Variants in VPS8 observed in about 807,000 individuals in gnomAD.
VPS8 encodes the protein vacuolar protein sorting-associated protein 8 homolog.
A neutral mutation model predicts 216.4 loss-of-function variants in VPS8; 129 were observed. The observed-to-expected ratio is 0.60, with a 90% CI of 0.52 to 0.69. The LOEUF is 0.69. VPS8 is among the 30% of genes least tolerant of loss of function. VPS8 has a pLI of 0.00. For synonymous variants in VPS8, 571 were observed against 565.4 expected (o/e 1.01, Z -0.14); for missense variants, 1,531 against 1,683.5 (o/e 0.91, Z 1.59).
intron 40 of VPS8, among the ~76,000 whole-genome samples, chr3:184,978,089 T>G (rs1415506219): frequency 6.6e-6 from 1 of 151,938 alleles, no homozygotes; most frequent in Non-Finnish European, 1.5e-5. Context: ...GGTAGGCTTT[T>G]TATTACTGCT....
At chr3:184,997,842 A>G (rs1752820926) in intron 44 of VPS8, among the ~76,000 whole-genome samples, 1 of 152,230 alleles carries the variant, frequency 6.6e-6, no homozygotes, top group Admixed American at 6.5e-5. Context: ...TGAATAAAAA[A>G]CAAGCTATGC....
chr3:185,024,346 C>T lies in VPS8; in HGVS notation c.4013C>T (p.Ser1338Phe). The T allele has an allele frequency of 1.3e-6, 2 of 1,594,170 alleles. No individual in the cohort carries two copies. The highest frequency in any genetic ancestry group is 1.7e-6 in the Non-Finnish European group (2 of 1,169,336). ...GRITPSQVKM[S>F]PSYHQSKGDP... ...GCCTTTTTTTTCCAGGTAAAAATGT[C>T]TCCATCGTATCATCAGTCCAAAGGG... Residue 1338 changes from serine (S) to phenylalanine (F), a missense_variant, in exon 46 of 48, where the codon TCT becomes TTT. Around this residue, in one of 3 missense-constraint regions of VPS8, gnomAD observed 1,318 missense variants for 1,468.4 expected, o/e 0.90. Coordinates refer to ENST00000625842, the MANE Select transcript of VPS8 (RefSeq NM_001009921.3).
chr3:184,835,709 CTTTTTT>C (rs34896906), intron 5 of VPS8, among the ~76,000 whole-genome samples: 1 of 126,762 alleles, frequency 7.9e-6, no homozygotes, highest in South Asian at 2.6e-4. Context: ...TTGGATTTTT[CTTTTTT>C]TTTTTTTTTT....
intron 7 of VPS8, among the ~76,000 whole-genome samples, chr3:184,841,674 G>C (rs1722166952): frequency 6.6e-6 from 1 of 152,148 alleles, no homozygotes. Context: ...TCTCCTATCA[G>C]GTGTTCAGAA....
At position 184,997,257 on chromosome 3, in the gene VPS8, T is replaced by G. The variant is rs192492567; in HGVS notation, c.3836+756T>G. Among the ~76,000 whole-genome samples, 21 of 152,306 alleles carry G rather than the reference T, an allele frequency of 1.4e-4. No individual in the cohort carries two copies. In the South Asian group the frequency reaches 1.5e-3, roughly 11 times the overall value. ...AGAGGTAACATGATATGGCCGTGGA[T>G]CCAAACTTCCTGACTTCAAGTCTTG... On this transcript the variant is annotated intron_variant, in intron 44 of 47. Coordinates refer to ENST00000625842, the MANE Select transcript of VPS8 (RefSeq NM_001009921.3).
intron 7 of VPS8, among the ~76,000 whole-genome samples, chr3:184,842,992 C>G (rs1722469983): frequency 6.7e-6 from 1 of 149,312 alleles, no homozygotes; most frequent in African/African-American, 2.5e-5. Context: ...TTGTTTTTAT[C>G]TAACTTAAAC....
intron 36 of VPS8, among the ~76,000 whole-genome samples, chr3:184,950,422 T>C (rs1744489701): frequency 6.6e-6 from 1 of 150,582 alleles, no homozygotes. Context: ...ATGAAGGAGA[T>C]TGTGAAATCC....
At chr3:185,031,063 GTTTTTT>G (rs765510619) in intron 46 of VPS8, among the ~76,000 whole-genome samples, 6 of 64,346 alleles carry the variant, frequency 9.3e-5, no homozygotes, top group Admixed American at 3.6e-4. Flanking sequence ...ACAGGTTGGC[GTTTTTT>G]TTTTTTTTTT....
intron 46 of VPS8, among the ~76,000 whole-genome samples, chr3:185,034,529 G>A (rs1424294153): frequency 6.6e-6 from 1 of 152,074 alleles, no homozygotes; most frequent in Admixed American, 6.5e-5. Flanking sequence ...ATAGAGTCTG[G>A]ATATTAGGTC....
intron 45 of VPS8, among the ~76,000 whole-genome samples, chr3:185,017,024 A>G (rs1266819060): frequency 6.6e-6 from 1 of 151,948 alleles, no homozygotes; most frequent in African/African-American, 2.4e-5. Flanking sequence ...GTCTCATACC[A>G]AGGACATACC....
intron 5 of VPS8, among the ~76,000 whole-genome samples, chr3:184,837,560 T>C (rs961432203): frequency 1.1e-4 from 16 of 152,232 alleles, no homozygotes; most frequent in Admixed American, 2.0e-4. Flanking sequence ...CACTCAAAGT[T>C]GGATAGATGC....
At chr3:184,839,839 A>G in intron 7 of VPS8, 87 bp downstream of exon 7, 1 of 1,479,818 alleles carries the variant, frequency 6.8e-7, no homozygotes, top group Non-Finnish European at 8.9e-7. Context: ...TATATAGTGT[A>G]CTTGATTTTC....
At chr3:185,016,993 A>G (rs1351058378) in intron 45 of VPS8, among the ~76,000 whole-genome samples, 1 of 151,746 alleles carries the variant, frequency 6.6e-6, no homozygotes, top group Non-Finnish European at 1.5e-5. Flanking sequence ...GGTTCCTTCA[A>G]ACCTTGTAAA....
intron 36 of VPS8, among the ~76,000 whole-genome samples, chr3:184,950,399 G>A (rs1424255051): frequency 6.6e-6 from 1 of 151,350 alleles, no homozygotes; most frequent in Admixed American, 6.6e-5. Flanking sequence ...GACCTAAATT[G>A]TAAAAGCAAT....
chr3:184,936,560 T>TGTGTGTGTGTGG (rs1002254750), intron 35 of VPS8, among the ~76,000 whole-genome samples: 2 of 148,518 alleles, frequency 1.3e-5, no homozygotes, highest in South Asian at 4.3e-4. Flanking sequence ...TGTGTGTGTG[T>TGTGTGTGTGTGG]GGTTGGGAGC....
intron 21 of VPS8, chr3:184,882,387 T>C (rs1415282613): frequency 2.2e-6 from 1 of 455,532 alleles, no homozygotes; most frequent in Non-Finnish European, 4.4e-6. Flanking sequence ...GGTTTTTGAA[T>C]ATTGAACCAG....
chr3:184,839,130 G>A (rs192916656), intron 6 of VPS8: 5 of 193,858 alleles, frequency 2.6e-5, no homozygotes, highest in African/African-American at 1.2e-4. Context: ...GGATTCCATT[G>A]TCAGGCTTGC....
At chr3:184,942,737 C>T (rs1742960774) in intron 36 of VPS8, among the ~76,000 whole-genome samples, 2 of 152,132 alleles carry the variant, frequency 1.3e-5, no homozygotes, top group African/African-American at 4.8e-5. Context: ...TTAGATTATG[C>T]TCTAAACTTA....
intron 44 of VPS8, among the ~76,000 whole-genome samples, chr3:184,996,869 A>G (rs1441823322): frequency 2.0e-5 from 3 of 152,186 alleles, no homozygotes; most frequent in Admixed American, 6.5e-5. Context: ...CTTTAAAGGT[A>G]GGGATAACTT....
Sources: gnomAD v4.1 joint callset for allele counts (sites outside exome capture counted in the v4.1 genomes callset) on GRCh38, gnomAD v4.1.1 for gene constraint, gnomAD v4.1.1 regional missense constraint, MANE v1.5 for transcripts, NCBI Gene and HGNC (gene_info 2026-07-23, HGNC 2026-07-21) for gene names.